The following IGFBP7 variants were observed in gnomAD, a reference collection of about 807,000 sequenced individuals.
IGFBP7 encodes insulin like growth factor binding protein 7, also known as insulin-like growth factor-binding protein 7.
In IGFBP7, 31 loss-of-function variants were observed where a neutral mutation model predicts 29.4. That is an observed-to-expected ratio of 1.05 (90% CI 0.79 to 1.42). The LOEUF (loss-of-function observed/expected upper bound fraction) is 1.42, where lower values mean the gene tolerates loss of function less well. Among genes scored for constraint, IGFBP7 ranks in the 40% most tolerant of loss-of-function variants. IGFBP7 has a pLI of 0.00. For synonymous variants in IGFBP7, 172 were observed against 174.9 expected (o/e 0.98, Z 0.13); for missense variants, 393 against 395.5 (o/e 0.99, Z 0.05).
chr4:57,077,192 C>A (rs1725248642), intron 1 of IGFBP7, among the ~76,000 whole-genome samples: 1 of 152,176 alleles, frequency 6.6e-6, no homozygotes, highest in African/African-American at 2.4e-5. Flanking sequence ...GGCATGCATT[C>A]ATGGATGTTA....
intron 1 of IGFBP7, 108 bp from the exon 2 acceptor site, chr4:57,041,041 G>T (rs777375407): frequency 2.8e-5 from 21 of 752,172 alleles, no homozygotes; most frequent in Non-Finnish European, 4.7e-5. Flanking sequence ...TCCCCTTGAT[G>T]GATTATCTGA....
At chr4:57,066,416 T>G (rs1724922999) in intron 1 of IGFBP7, among the ~76,000 whole-genome samples, 2 of 152,114 alleles carry the variant, frequency 1.3e-5, no homozygotes, top group South Asian at 4.1e-4. Flanking sequence ...CAGGGGACAC[T>G]CCAGGCCAGA....
intron 1 of IGFBP7, among the ~76,000 whole-genome samples, chr4:57,108,048 T>C (rs1384415709): frequency 6.6e-6 from 1 of 152,256 alleles, no homozygotes; most frequent in Non-Finnish European, 1.5e-5. Context: ...AATCTCAATA[T>C]TTGGAATAAA....
intron 1 of IGFBP7, among the ~76,000 whole-genome samples, chr4:57,096,833 A>AATGTTTTG (rs1725773914): frequency 1.3e-5 from 2 of 152,286 alleles, no homozygotes; most frequent in African/African-American, 2.4e-5. Context: ...TTTATAGTTG[A>AATGTTTTG]ATGTTTTGAT....
intron 1 of IGFBP7, among the ~76,000 whole-genome samples, chr4:57,058,090 G>A (rs1713955): frequency 6.6e-6 from 1 of 152,050 alleles, no homozygotes; most frequent in African/African-American, 2.4e-5. Context: ...CAAAAAAGTC[G>A]TGGGTAATTT....
rs553390642 is a variant in IGFBP7 at position 57,048,972 on chromosome 4, G to C, written c.476-8039C>G. 1.8e-4 allele frequency among the ~76,000 whole-genome samples: 27 copies of C among 152,254 alleles called. No homozygotes were observed. In the South Asian group the frequency reaches 5.2e-3, roughly 29 times the overall value. On this transcript the variant is annotated intron_variant, in intron 1 of 4. Coordinates refer to ENST00000295666, the MANE Select transcript of IGFBP7 (RefSeq NM_001553.3). ...AAGTAAGTGAACCTATCATGAATGT[G>C]TCCTAGAGCTGGGACATAGATGTCA...
At chr4:57,060,633 G>A (rs1340818963) in intron 1 of IGFBP7, among the ~76,000 whole-genome samples, 2 of 152,146 alleles carry the variant, frequency 1.3e-5, no homozygotes, top group Non-Finnish European at 2.9e-5. Context: ...ACAGCAAAGG[G>A]TTTATGGAGA....
intron 1 of IGFBP7, among the ~76,000 whole-genome samples, chr4:57,107,163 C>T (rs1726054807): frequency 6.6e-6 from 1 of 152,122 alleles, no homozygotes; most frequent in South Asian, 2.1e-4. Flanking sequence ...CTTTCTTAAT[C>T]AGCAACATCA....
At chr4:57,051,849 C>T (rs574982635) in intron 1 of IGFBP7, among the ~76,000 whole-genome samples, 102 of 152,310 alleles carry the variant, frequency 6.7e-4, no homozygotes, top group African/African-American at 2.2e-3. Context: ...GGTAAACATT[C>T]AGTAAGTATG....
chr4:57,035,327 G>A (rs754434431), intron 2 of IGFBP7, among the ~76,000 whole-genome samples: 2 of 152,028 alleles, frequency 1.3e-5, no homozygotes, highest in Non-Finnish European at 2.9e-5. Flanking sequence ...TTAATGTTAC[G>A]TAATTATAAA....
chr4:57,050,475 C>T (rs774469154), intron 1 of IGFBP7, among the ~76,000 whole-genome samples: 1 of 151,840 alleles, frequency 6.6e-6, no homozygotes, highest in Non-Finnish European at 1.5e-5. Context: ...GAACTCCTGA[C>T]CTCAGGTGAT....
chr4:57,073,120 C>G (rs1725099355), intron 1 of IGFBP7: 1 of 1,596,088 alleles, frequency 6.3e-7, no homozygotes, highest in East Asian at 2.2e-5. Context: ...AGGTCACCAG[C>G]CAGGAGCCCT....
chr4:57,081,592 G>C (rs1232841434), intron 1 of IGFBP7, among the ~76,000 whole-genome samples: 1 of 151,924 alleles, frequency 6.6e-6, no homozygotes, highest in Non-Finnish European at 1.5e-5. Flanking sequence ...GAAATCATTT[G>C]GTGCGGGAAA....
intron 2 of IGFBP7, among the ~76,000 whole-genome samples, chr4:57,034,060 A>AAG (rs1553913035): frequency 6.6e-6 from 1 of 151,300 alleles, no homozygotes; most frequent in Non-Finnish European, 1.5e-5. Flanking sequence ...AAAAAAAAAA[A>AAG]AAAAAAAACA....
intron 1 of IGFBP7, among the ~76,000 whole-genome samples, chr4:57,054,639 C>CAAAAAAAAAAAAAAAAAAAAAAAAAAAAA (rs75161514): frequency 3.6e-5 from 1 of 27,854 alleles, no homozygotes; most frequent in African/African-American, 9.7e-5. Context: ...CTCTCTCTCA[C>CAAAAAAAAAAAAAAAAAAAAAAAAAAAAA]AAAAAAAAAA....
At chr4:57,102,745 C>A (rs980560426) in intron 1 of IGFBP7, among the ~76,000 whole-genome samples, 5 of 152,290 alleles carry the variant, frequency 3.3e-5, no homozygotes, top group African/African-American at 9.6e-5. Flanking sequence ...TCCTAAAATG[C>A]AGTGATTGAA....
At chr4:57,106,197 C>T (rs1726028219) in intron 1 of IGFBP7, among the ~76,000 whole-genome samples, 2 of 152,096 alleles carry the variant, frequency 1.3e-5, no homozygotes, top group African/African-American at 2.4e-5. Context: ...TGAGCCATGG[C>T]GCCTGGCTGC....
At chr4:57,043,446 C>A (rs1296902520) in intron 1 of IGFBP7, among the ~76,000 whole-genome samples, 1 of 152,196 alleles carries the variant, frequency 6.6e-6, no homozygotes, top group East Asian at 1.9e-4. Context: ...AGTTTTCTGG[C>A]ATAATCAGCA....
intron 1 of IGFBP7, chr4:57,073,013 A>G (rs1616953): frequency 0.77 from 822,910 of 1,066,552 alleles, 319,334 homozygotes; most frequent in East Asian, 0.89. Flanking sequence ...CCTTCGAGGC[A>G]AACCCAACAT....
Sources: gnomAD v4.1 joint callset for allele counts (sites outside exome capture counted in the v4.1 genomes callset) on GRCh38, gnomAD v4.1.1 for gene constraint, MANE v1.5 for transcripts, NCBI Gene and HGNC (gene_info 2026-07-23, HGNC 2026-07-21) for gene names.